ATF7IP: variants seen among roughly 807,000 people sequenced by gnomAD.
The protein encoded by ATF7IP is activating transcription factor 7-interacting protein 1.
Under a neutral mutation model 106.4 loss-of-function variants are expected in ATF7IP, and 23 were observed. That is an observed-to-expected ratio of 0.22 (90% confidence interval 0.16 to 0.31). ATF7IP has a LOEUF of 0.31. ATF7IP is among the 10% of genes least tolerant of loss of function. ATF7IP has a pLI of 1.00. For missense variants in ATF7IP, 1,334 were observed against 1,524.3 expected (o/e 0.88, Z 2.08); for synonymous variants, 542 against 539.0 (o/e 1.01, Z -0.08).
Position 14,436,213 on chromosome 12 carries a change from A to C in ATF7IP, c.1753A>C (p.Ile585Leu). The change falls in exon 4 of 15, where the codon ATT becomes CTT. Residue 585 changes from isoleucine to leucine, a missense_variant. Transcript: ENST00000261168. ...EEYEAEFQVK[I>L]TAKGDINQKL... is the part of the protein sequence containing the mutation. ...ATATGAGGCAGAATTTCAAGTAAAG[A>C]TTACAGCCAAAGGAGACATTAACCA... is the stretch of plus-strand genomic sequence containing the variant. 6.2e-7 allele frequency: 1 copy of C among 1,613,696 alleles called. No homozygotes were observed. Among genetic ancestry groups the C allele is most frequent in the Non-Finnish European group, 8.5e-7 (1 of 1,179,762 alleles).
At chr12:14,418,010 A>G (rs964984787) in intron 1 of ATF7IP, among the ~76,000 whole-genome samples, 1 of 152,158 alleles carries the variant, frequency 6.6e-6, no homozygotes, top group African/African-American at 2.4e-5. Context: ...TTTCATTGCT[A>G]TGATCTCTTG....
At chr12:14,388,330 G>A (rs61922675) in intron 1 of ATF7IP, among the ~76,000 whole-genome samples, 6 of 151,050 alleles carry the variant, frequency 4.0e-5, no homozygotes, top group Non-Finnish European at 5.9e-5. Context: ...GATTACAGGC[G>A]TGAGCCACTG....
chr12:14,394,023 A>C (rs563159408), intron 1 of ATF7IP, among the ~76,000 whole-genome samples: 1 of 152,276 alleles, frequency 6.6e-6, no homozygotes, highest in Admixed American at 6.5e-5. Flanking sequence ...AGGTTTTTAT[A>C]CTCAGCACAT....
At chr12:14,484,435 C>G (rs1013029660) in intron 13 of ATF7IP, among the ~76,000 whole-genome samples, 1 of 152,164 alleles carries the variant, frequency 6.6e-6, no homozygotes, top group African/African-American at 2.4e-5. Flanking sequence ...TTTGTTACAA[C>G]CCATAAATAT....
intron 10 of ATF7IP, among the ~76,000 whole-genome samples, chr12:14,470,694 T>C (rs1356675445): frequency 6.6e-6 from 1 of 152,230 alleles, no homozygotes; most frequent in Non-Finnish European, 1.5e-5. Context: ...AATGTGTTAA[T>C]GCATGTAAAG....
At chr12:14,489,481 A>C (rs113652454) in intron 13 of ATF7IP, among the ~76,000 whole-genome samples, 9,269 of 152,140 alleles carry the variant, frequency 0.061, 304 homozygotes, top group African/African-American at 0.071. Context: ...AGGAAGCAAA[A>C]ATTTTGCAAG....
intron 13 of ATF7IP, among the ~76,000 whole-genome samples, chr12:14,483,655 A>G (rs1944498522): frequency 1.3e-5 from 2 of 152,108 alleles, no homozygotes; most frequent in Non-Finnish European, 2.9e-5. Context: ...TCCTGGACCC[A>G]TGAATCCTGG....
At chr12:14,391,182 C>G (rs1216975541) in intron 1 of ATF7IP, among the ~76,000 whole-genome samples, 2 of 152,162 alleles carry the variant, frequency 1.3e-5, no homozygotes, top group Non-Finnish European at 2.9e-5. Context: ...ATGTAACAGT[C>G]TGTTATTAGT....
In ATF7IP at chr12:14,433,440, G is replaced by C. The variant is rs1942240572; in HGVS notation, c.1559-897G>C. Among the ~76,000 whole-genome samples, 3 of 152,284 alleles carry C rather than the reference G, an allele frequency of 2.0e-5. No individual in the cohort carries two copies. In the South Asian group the frequency reaches 6.2e-4, roughly 32 times the overall value. On this transcript the variant is annotated intron_variant, in intron 2 of 14. Transcript: ENST00000261168. Reference sequence around the variant, plus strand: ...GAATTGCTTGAACCTGGGAAGTGGAGGTTGCAGTGAGCCGAGATTGCGCTA... The same window carrying C: ...GAATTGCTTGAACCTGGGAAGTGGACGTTGCAGTGAGCCGAGATTGCGCTA...
intron 1 of ATF7IP, among the ~76,000 whole-genome samples, chr12:14,388,995 A>G (rs774830683): frequency 1.1e-4 from 17 of 152,150 alleles, no homozygotes; most frequent in Non-Finnish European, 1.9e-4. Context: ...GAAATTTCCT[A>G]TCTATTTGGT....
chr12:14,435,448 T>G (rs1942361037), intron 3 of ATF7IP, among the ~76,000 whole-genome samples: 1 of 152,200 alleles, frequency 6.6e-6, no homozygotes, highest in Admixed American at 6.5e-5. Context: ...AGTGTTTTAA[T>G]TTTTTTAGAT....
intron 7 of ATF7IP, 43 bp from the exon 8 acceptor site, chr12:14,457,164 G>T: frequency 6.7e-7 from 1 of 1,488,378 alleles, no homozygotes; most frequent in South Asian, 1.2e-5. Context: ...TATTCCCTGA[G>T]TGGCATATCT....
intron 13 of ATF7IP, among the ~76,000 whole-genome samples, chr12:14,492,851 A>G (rs981605742): frequency 2.6e-5 from 4 of 151,918 alleles, no homozygotes; most frequent in Admixed American, 2.0e-4. Flanking sequence ...TAGATCTGAC[A>G]TATAGAGTCG....
In ATF7IP at chr12:14,436,267, TAA is replaced by T; in HGVS notation, c.1791+17_1791+18del. On this transcript the variant is annotated intron_variant, in intron 4 of 14. Transcript: ENST00000261168. Reference sequence around the variant, plus strand: ...ACTTCAAAAGGTATTGTGTCAATTATAAGTTATAAACCATATTGAATAAATAG... The same window carrying T: ...ACTTCAAAAGGTATTGTGTCAATTATGTTATAAACCATATTGAATAAATAG... The T allele has an allele frequency of 6.2e-7, 1 of 1,605,690 alleles. No individual in the cohort carries two copies. The highest frequency in any genetic ancestry group is 8.5e-7 in the Non-Finnish European group (1 of 1,175,028).
chr12:14,379,448 A>G (rs1275731596), intron 1 of ATF7IP, among the ~76,000 whole-genome samples: 4 of 152,126 alleles, frequency 2.6e-5, no homozygotes, highest in African/African-American at 9.7e-5. Context: ...AACTAATACA[A>G]CCATCAGTGA....
intron 10 of ATF7IP, 109 bp downstream of exon 10, chr12:14,466,699 T>C (rs1230775054): frequency 3.5e-6 from 3 of 849,696 alleles, no homozygotes; most frequent in Non-Finnish European, 5.6e-6. Flanking sequence ...GTGTTTTTTA[T>C]AACTATCCAA....
At chr12:14,393,553 T>C (rs942331697) in intron 1 of ATF7IP, among the ~76,000 whole-genome samples, 5 of 152,204 alleles carry the variant, frequency 3.3e-5, no homozygotes, top group African/African-American at 1.2e-4. Context: ...TACCATTTGC[T>C]ATTGATAAAT....
rs1015199579 is a variant in ATF7IP, at chr12:14,500,995, G to A, written c.*2922G>A. 1 of 152,176 alleles carries A rather than the reference G, an allele frequency of 6.6e-6. No individual in the cohort carries two copies. Among genetic ancestry groups the A allele is most frequent in the Non-Finnish European group, 1.5e-5 (1 of 68,008 alleles). 9.4% of individuals were successfully genotyped at this position (152,176 alleles called of 1,614,324 possible). A position where few individuals can be genotyped will look rare whatever the true frequency, so the allele number is the denominator to read the frequency against. Reference sequence around the variant, plus strand: ...TGGTGTCCTCAAATTAGCCTACCATGGCACGTAGGGGCAGCAGCTATATTA... The same window carrying A: ...TGGTGTCCTCAAATTAGCCTACCATAGCACGTAGGGGCAGCAGCTATATTA... On this transcript the variant is annotated 3_prime_UTR_variant, in exon 15 of 15. Coordinates refer to ENST00000261168, the MANE Select transcript of ATF7IP (RefSeq NM_018179.5).
At chr12:14,399,185 C>G (rs1376339768) in intron 1 of ATF7IP, among the ~76,000 whole-genome samples, 1 of 152,018 alleles carries the variant, frequency 6.6e-6, no homozygotes, top group Non-Finnish European at 1.5e-5. Flanking sequence ...TGGTCTTGTA[C>G]TTATATTTAT....
Sources: gnomAD v4.1 joint callset for allele counts (sites outside exome capture counted in the v4.1 genomes callset) on GRCh38, gnomAD v4.1.1 for gene constraint, MANE v1.5 for transcripts, NCBI Gene and HGNC (gene_info 2026-07-23, HGNC 2026-07-21) for gene names.